SYN3: variants seen among roughly 807,000 people sequenced by gnomAD.
SYN3 encodes the protein synapsin-3.
In SYN3, 35 loss-of-function variants were observed where a neutral mutation model predicts 65.8. The observed-to-expected ratio is 0.53, with a 90% CI of 0.41 to 0.70. The LOEUF is 0.70. Ranked by LOEUF, SYN3 falls within the 30% of genes least tolerant of loss-of-function variation. The pLI is 0.00. For missense variants in SYN3, 680 were observed against 749.0 expected, an observed-to-expected ratio of 0.91 and a Z score of 1.08; for synonymous variants, 270 against 292.9, an observed-to-expected ratio of 0.92 and a Z score of 0.80.
At chr22:32,703,408 G>T (rs2060835753) in intron 6 of SYN3, among the ~76,000 whole-genome samples, 1 of 152,116 alleles carries the variant, frequency 6.6e-6, no homozygotes, top group African/African-American at 2.4e-5. Context: ...AGAGGCCAAG[G>T]CTGGCGGATC....
chr22:32,959,361 C>G (rs1347385275), intron 3 of SYN3, among the ~76,000 whole-genome samples: 1 of 151,886 alleles, frequency 6.6e-6, no homozygotes, highest in African/African-American at 2.4e-5. Flanking sequence ...TGTAAATTGC[C>G]CAGTCTCGGG....
intron 13 of SYN3, among the ~76,000 whole-genome samples, chr22:32,515,428 C>T (rs1405238380): frequency 3.9e-5 from 6 of 152,252 alleles, no homozygotes; most frequent in South Asian, 2.1e-4. Context: ...TGAAGCACAG[C>T]GAGGTTAGGC....
At position 32,665,489 on chromosome 22, in the gene SYN3, G is replaced by GTATATATATATATATATATATATATA. The variant is rs130731; in HGVS notation, c.712-68754_712-68753insTATATATATATATATATATATATATA. On this transcript the variant is annotated intron_variant, in intron 6 of 13. Coordinates refer to ENST00000358763, the MANE Select transcript of SYN3 (RefSeq NM_003490.4). Reference sequence around the variant, plus strand: ...GGCTGAGTAGTATGCCACAGTGTGTGTATATATATATATATATATATGTCT... The same window carrying GTATATATATATATATATATATATATA: ...GGCTGAGTAGTATGCCACAGTGTGTGTATATATATATATATATATATATATATATATATATATATATATATATGTCT... Among the ~76,000 whole-genome samples the GTATATATATATATATATATATATATA allele has an allele frequency of 6.4e-5, 9 of 141,414 alleles. No homozygotes were observed. The East Asian group carries it at 1.6e-3, about 26-fold the overall frequency. The allele number at this position is 141,414 out of a possible 152,430, so 92.8% of individuals were successfully genotyped here. A position where few individuals can be genotyped will look rare whatever the true frequency, so the allele number is the denominator to read the frequency against.
At chr22:32,986,001 T>C (rs1021336482) in intron 2 of SYN3, among the ~76,000 whole-genome samples, 1 of 152,058 alleles carries the variant, frequency 6.6e-6, no homozygotes, top group Non-Finnish European at 1.5e-5. Context: ...CACTTCACGT[T>C]GTCATTACAC....
intron 3 of SYN3, among the ~76,000 whole-genome samples, chr22:32,946,869 C>A (rs1242574755): frequency 1.3e-5 from 2 of 152,050 alleles, no homozygotes; most frequent in African/African-American, 2.4e-5. Context: ...GGTTTTAATT[C>A]TTTGGTCTCT....
chr22:32,596,647 T>C (rs202198841), intron 7 of SYN3, 27 bp downstream of exon 7: 16 of 1,612,914 alleles, frequency 9.9e-6, no homozygotes, highest in Admixed American at 1.7e-5. Context: ...GTGTGTCCAC[T>C]GTGAGTGGAA....
chr22:32,745,069 G>C (rs1276643312), intron 6 of SYN3, among the ~76,000 whole-genome samples: 2 of 152,180 alleles, frequency 1.3e-5, no homozygotes, highest in Non-Finnish European at 1.5e-5. Flanking sequence ...TGACGGGTTA[G>C]GAATGATGGG....
chr22:32,621,297 C>CTTT (rs58499520), intron 6 of SYN3, among the ~76,000 whole-genome samples: 1,895 of 140,938 alleles, frequency 0.013, 32 homozygotes, highest in East Asian at 0.045. Context: ...TAACTTTTGC[C>CTTT]TTTTTTTTTT....
chr22:32,644,886 T>C (rs991889602), intron 6 of SYN3, among the ~76,000 whole-genome samples: 1 of 152,130 alleles, frequency 6.6e-6, no homozygotes, highest in Non-Finnish European at 1.5e-5. Flanking sequence ...GAGAACCTGG[T>C]TCAGACCTCT....
intron 6 of SYN3, among the ~76,000 whole-genome samples, chr22:32,597,591 C>T (rs760524362): frequency 3.5e-4 from 53 of 152,158 alleles, no homozygotes; most frequent in Non-Finnish European, 5.9e-4. Context: ...GGCCACCATA[C>T]GAGGCTGCTT....
intron 6 of SYN3, among the ~76,000 whole-genome samples, chr22:32,832,932 C>G (rs574733806): frequency 6.6e-6 from 1 of 152,154 alleles, no homozygotes; most frequent in East Asian, 1.9e-4. Context: ...AGGGTTTTAC[C>G]TTGTTGCCCA....
chr22:32,999,843 G>A (rs958452095), intron 2 of SYN3, among the ~76,000 whole-genome samples: 5 of 152,172 alleles, frequency 3.3e-5, no homozygotes, highest in African/African-American at 1.2e-4. Flanking sequence ...TGCATGGGGA[G>A]GGGGCAGGCA....
chr22:32,814,526 A>C (rs2047037519), intron 6 of SYN3, among the ~76,000 whole-genome samples: 1 of 152,168 alleles, frequency 6.6e-6, no homozygotes, highest in African/African-American at 2.4e-5. Flanking sequence ...AGATGGCTTG[A>C]CCAGAGTGGA....
Position 32,931,875 on chromosome 22 carries a change from T to C in SYN3, c.370-394A>G, listed in dbSNP as rs9609659. Among the ~76,000 whole-genome samples, 87 of 143,230 alleles carry C rather than the reference T, an allele frequency of 6.1e-4. 1 individual carries two copies. The highest frequency in any genetic ancestry group is 3.5e-3 in the Middle Eastern group (1 of 284). The allele number at this position is 143,230 out of a possible 152,430, so 94.0% of individuals were successfully genotyped here. A position where few individuals can be genotyped will look rare whatever the true frequency, so the allele number is the denominator to read the frequency against. Reference sequence around the variant, plus strand: ...ATTTTCTCACCTTCATGCTCTACAGTAGTATGGCATCATGACTCTGCAGAT... The same window carrying C: ...ATTTTCTCACCTTCATGCTCTACAGCAGTATGGCATCATGACTCTGCAGAT... On this transcript the variant is annotated intron_variant, in intron 3 of 13. Coordinates refer to ENST00000358763, the MANE Select transcript of SYN3 (RefSeq NM_003490.4).
intron 6 of SYN3, among the ~76,000 whole-genome samples, chr22:32,731,588 C>G (rs1426481423): frequency 6.6e-6 from 1 of 152,178 alleles, no homozygotes; most frequent in Non-Finnish European, 1.5e-5. Flanking sequence ...GGTGAGGTAA[C>G]TACCAAGGCT....
intron 6 of SYN3, among the ~76,000 whole-genome samples, chr22:32,735,127 C>T (rs903769438): frequency 4.6e-5 from 7 of 152,144 alleles, no homozygotes; most frequent in Non-Finnish European, 1.0e-4. Context: ...CTGAGATCCT[C>T]GTTTCTGGTC....
chr22:32,585,783 A>C (rs2059014057), intron 7 of SYN3, among the ~76,000 whole-genome samples: 1 of 152,090 alleles, frequency 6.6e-6, no homozygotes, highest in South Asian at 2.1e-4. Context: ...GCCTAGAATC[A>C]CAGCATTTTA....
intron 3 of SYN3, among the ~76,000 whole-genome samples, chr22:32,948,611 C>T (rs1359999791): frequency 2.0e-5 from 3 of 151,990 alleles, no homozygotes; most frequent in Non-Finnish European, 2.9e-5. Flanking sequence ...GTGGCGGGTG[C>T]CTGTAGTCTC....
chr22:32,784,251 T>C (rs1231417879), intron 6 of SYN3, among the ~76,000 whole-genome samples: 2 of 152,104 alleles, frequency 1.3e-5, no homozygotes, highest in Admixed American at 6.6e-5. Context: ...CTTTAACCAA[T>C]AGAACATGGC....
Sources: allele counts gnomAD v4.1 joint callset (sites outside exome capture counted in the v4.1 genomes callset), GRCh38; gene constraint gnomAD v4.1.1; transcripts MANE v1.5; gene names NCBI Gene and HGNC (gene_info 2026-07-23, HGNC 2026-07-21).